The following ADAMTS20 variants were observed in gnomAD, a reference collection of about 807,000 sequenced individuals.
The protein encoded by ADAMTS20 is A disintegrin and metalloproteinase with thrombospondin motifs 20.
In ADAMTS20, 225 loss-of-function variants were observed where a neutral mutation model predicts 260.1. The ratio of observed to expected loss-of-function variants is 0.87; its 90% CI spans 0.78 to 0.97. ADAMTS20 has a LOEUF of 0.97. ADAMTS20 is among the 50% of genes least tolerant of loss of function. The pLI is 0.00. For missense variants in ADAMTS20, 2,400 were observed against 2,337.7 expected (o/e 1.03, Z -0.55); for synonymous variants, 802 against 769.5 (o/e 1.04, Z -0.70).
intron 31 of ADAMTS20, among the ~76,000 whole-genome samples, 183 bp from the exon 32 acceptor site, chr12:43,377,745 T>C (rs1165269330): frequency 6.6e-6 from 1 of 152,070 alleles, no homozygotes; most frequent in Admixed American, 6.5e-5. Flanking sequence ...GTTGTACCAA[T>C]AAAGGAAAGA....
intron 35 of ADAMTS20, 128 bp downstream of exon 35, chr12:43,375,929 C>G (rs898996746): frequency 1.4e-6 from 1 of 701,880 alleles, no homozygotes; most frequent in Non-Finnish European, 2.4e-6. Context: ...TAGGTCCTAA[C>G]ATGTCTACCT....
rs143606962 is a variant in ADAMTS20 at position 43,485,994 on chromosome 12, T to C, written c.1117+4401A>G. 6.6e-5 allele frequency among the ~76,000 whole-genome samples: 10 copies of C among 151,528 alleles called. No homozygotes were observed. The East Asian group carries it at 1.9e-3, about 30-fold the overall frequency. On this transcript the variant is annotated intron_variant, in intron 7 of 38. Transcript: ENST00000389420. ...CTGGAAAAATCAATATCATTGAAAA[T>C]GACCATATTGCCAAAAAATCTACAC...
chr12:43,534,851 T>C (rs538573867), intron 2 of ADAMTS20, among the ~76,000 whole-genome samples: 17 of 152,312 alleles, frequency 1.1e-4, no homozygotes, highest in Non-Finnish European at 1.6e-4. Flanking sequence ...ACAGTGCCGA[T>C]AGAAGTGGGT....
Position 43,465,672 on chromosome 12 carries a change from C to A in ADAMTS20, c.1368-940G>T, listed in dbSNP as rs929320272. Among the ~76,000 whole-genome samples, 40 of 152,034 alleles carry A rather than the reference C, an allele frequency of 2.6e-4. 1 individual carries two copies. Among genetic ancestry groups the A allele is most frequent in the African/African-American group, 9.6e-4 (40 of 41,498 alleles). ...CTTTGAAGAAAATCAAAATATTACT[C>A]CCTTCTAAAAAGAAAAGTGCACCAT... On this transcript the variant is annotated intron_variant, in intron 9 of 38. Transcript: ENST00000389420.
chr12:43,496,220 G>A (rs1380571198), intron 4 of ADAMTS20, among the ~76,000 whole-genome samples: 2 of 152,136 alleles, frequency 1.3e-5, no homozygotes. Flanking sequence ...AAGTTTAAAT[G>A]TATTAATTCA....
chr12:43,399,014 C>G, intron 29 of ADAMTS20, 52 bp downstream of exon 29: 1 of 1,155,468 alleles, frequency 8.7e-7, no homozygotes, highest in Non-Finnish European at 1.1e-6. Context: ...AATGAATTTT[C>G]TTTTTAAATA....
intron 28 of ADAMTS20, among the ~76,000 whole-genome samples, chr12:43,410,008 C>A (rs1157492378): frequency 6.6e-6 from 1 of 152,164 alleles, no homozygotes; most frequent in Non-Finnish European, 1.5e-5. Flanking sequence ...GGGAAATTAT[C>A]TTCAAGCTAG....
intron 28 of ADAMTS20, among the ~76,000 whole-genome samples, chr12:43,401,730 A>T (rs1266206117): frequency 1.7e-5 from 2 of 118,592 alleles, no homozygotes; most frequent in African/African-American, 6.2e-5. Flanking sequence ...ATTTATAAGT[A>T]TATTTTTATG....
rs376915432 is a variant in ADAMTS20, at chr12:43,466,367, A to G, written c.1367+285T>C. ...GAATTCCCATTAAGTCTCCCATCAA[A>G]CATAGTTTTCATCACAAGAAAGAAT... On this transcript the variant is annotated intron_variant, in intron 9 of 38. Transcript: ENST00000389420. Among the ~76,000 whole-genome samples, 22 of 152,034 alleles carry G rather than the reference A, an allele frequency of 1.4e-4. No individual in the cohort carries two copies. In the South Asian group the frequency reaches 4.4e-3, roughly 30 times the overall value.
chr12:43,503,964 C>T (rs1567459), intron 3 of ADAMTS20, among the ~76,000 whole-genome samples: 118,155 of 152,110 alleles, frequency 0.78, 47,031 homozygotes, highest in East Asian at 1. Flanking sequence ...AGTCTGTCAC[C>T]GATGGGCATT....
intron 7 of ADAMTS20, among the ~76,000 whole-genome samples, chr12:43,482,618 T>C (rs1402828023): frequency 6.6e-6 from 1 of 152,146 alleles, no homozygotes; most frequent in Non-Finnish European, 1.5e-5. Flanking sequence ...GGCTGCTGCT[T>C]GTGCCTACAT....
Position 43,425,546 on chromosome 12 carries a change from C to A in ADAMTS20, c.4252G>T (p.Asp1418Tyr), listed in dbSNP as rs1941315967. Reference protein sequence around the residue: ...IQCHMHACPADVSWHQEPWTS... With the variant: ...IQCHMHACPAYVSWHQEPWTS... ...CATGGTTCCTGATGCCATGACACAT[C>A]AGCAGGGCAAGCATGCATATGACAC... The change falls in exon 28 of 39, where the codon GAT becomes TAT. Residue 1418 changes from aspartate (D) to tyrosine (Y), a missense_variant. Asp to Tyr is a radical substitution (Grantham distance 160). Transcript: ENST00000389420. The A allele has an allele frequency of 1.3e-6, 2 of 1,573,906 alleles. No individual in the cohort carries two copies. The highest frequency in any genetic ancestry group is 1.4e-5 in the African/African-American group (1 of 73,804).
intron 3 of ADAMTS20, among the ~76,000 whole-genome samples, chr12:43,512,258 A>C (rs908496415): frequency 3.4e-5 from 5 of 149,238 alleles, no homozygotes; most frequent in Non-Finnish European, 7.4e-5. Flanking sequence ...GAAAGTGAGG[A>C]ACAAGAAGGT....
At chr12:43,428,017 C>G (rs981491760) in intron 26 of ADAMTS20, among the ~76,000 whole-genome samples, 22 of 152,118 alleles carry the variant, frequency 1.4e-4, no homozygotes, top group African/African-American at 5.1e-4. Context: ...GATTGTTTTA[C>G]AGTACATTCC....
intron 28 of ADAMTS20, among the ~76,000 whole-genome samples, chr12:43,419,977 T>C (rs536243584): frequency 6.6e-6 from 1 of 152,316 alleles, no homozygotes; most frequent in South Asian, 2.1e-4. Context: ...AAAATATTAT[T>C]CTTTTATGGT....
rs371848355 is a variant in ADAMTS20, at chr12:43,462,914, G to C, written c.1595C>G (p.Thr532Arg). 8 of 1,606,802 alleles carry C rather than the reference G, an allele frequency of 5.0e-6. No homozygotes were observed. The highest frequency in any genetic ancestry group is 2.7e-5 in the African/African-American group (2 of 74,888). ...ACCTACCATTCCAGGACCGCAGTCTGTTCCATCTGCTGGTGGCACGTGTTG... is the reference window on the plus strand; with the variant it reads ...ACCTACCATTCCAGGACCGCAGTCTCTTCCATCTGCTGGTGGCACGTGTTG... ...FTQHVPPADG[T>R]DCGPGMHCRH... Residue 532 changes from threonine (T) to arginine (R), a missense_variant, in exon 11 of 39, where the codon ACA (threonine) becomes AGA (arginine). By Grantham distance (71) the Thr-to-Arg change is moderately conservative (BLOSUM62 -1). Transcript: ENST00000389420.
intron 4 of ADAMTS20, among the ~76,000 whole-genome samples, chr12:43,501,190 C>T (rs1942754461): frequency 6.6e-6 from 1 of 151,412 alleles, no homozygotes; most frequent in South Asian, 2.1e-4. Context: ...TCCCGAGTAG[C>T]TGGGATTATA....
intron 4 of ADAMTS20, among the ~76,000 whole-genome samples, chr12:43,501,104 G>A (rs1356805389): frequency 7.8e-6 from 1 of 128,760 alleles, no homozygotes; most frequent in African/African-American, 2.8e-5. Flanking sequence ...TGTTGCGCAG[G>A]CTGGAGTGCA....
In ADAMTS20 at chr12:43,464,687, T is replaced by G; in HGVS notation, c.1413A>C (p.Ile471=). ...CAGGAAGTTCTGAAGGCAGATTATA[T>G]ATTTCTTCATCTGGTTTGTCAAGAA... ...ECLLDKPDEE[I]YNLPSELPGS... Residue 471 remains isoleucine (I), a synonymous_variant, in exon 10 of 39, where the codon ATA becomes ATC. Coordinates refer to ENST00000389420, the MANE Select transcript of ADAMTS20 (RefSeq NM_025003.5). 1 of 1,613,334 alleles carries G rather than the reference T, an allele frequency of 6.2e-7. No individual in the cohort carries two copies. The highest frequency in any genetic ancestry group is 8.5e-7 in the Non-Finnish European group (1 of 1,179,432).
Sources: gnomAD v4.1 joint callset for allele counts (sites outside exome capture counted in the v4.1 genomes callset) on GRCh38, gnomAD v4.1.1 for gene constraint, MANE v1.5 for transcripts, NCBI Gene and HGNC (gene_info 2026-07-23, HGNC 2026-07-21) for gene names.